Variants in RIT2 observed in about 807,000 individuals in gnomAD.
RIT2 encodes GTP-binding protein Rit2.
RIT2 carries 24 observed loss-of-function variants against 23.7 expected under a neutral mutation model. The ratio of observed to expected loss-of-function variants is 1.01; its 90% CI spans 0.73 to 1.43. The LOEUF (loss-of-function observed/expected upper bound fraction) is 1.43. RIT2 is among the 40% of genes most tolerant of loss of function. The pLI, the probability that RIT2 is intolerant of heterozygous loss-of-function variation, is 0.00. For missense variants in RIT2, 236 were observed against 266.9 expected (o/e 0.88, Z 0.81); for synonymous variants, 107 against 91.1 (o/e 1.17, Z -0.99).
intron 4 of RIT2, among the ~76,000 whole-genome samples, chr18:42,910,449 C>T (rs1428747765): frequency 6.6e-6 from 1 of 151,958 alleles, no homozygotes; most frequent in Non-Finnish European, 1.5e-5. Flanking sequence ...GCCTGGAAAC[C>T]CACAACCCTA....
intron 4 of RIT2, among the ~76,000 whole-genome samples, chr18:42,901,325 T>C (rs1908470873): frequency 6.6e-6 from 1 of 151,946 alleles, no homozygotes; most frequent in Admixed American, 6.6e-5. Flanking sequence ...TAGCGATGAT[T>C]TTATGGAACA....
intron 4 of RIT2, among the ~76,000 whole-genome samples, chr18:42,837,478 A>ATTT (rs1483692491): frequency 1.3e-4 from 20 of 152,052 alleles, no homozygotes; most frequent in African/African-American, 4.8e-4. Context: ...CTTTTTTAAA[A>ATTT]AAAAAAATGT....
At chr18:42,754,204 T>G (rs1314670883) in intron 4 of RIT2, among the ~76,000 whole-genome samples, 1 of 152,124 alleles carries the variant, frequency 6.6e-6, no homozygotes, top group Non-Finnish European at 1.5e-5. Flanking sequence ...CTCCTTCTCT[T>G]GTATTGTAAA....
At chr18:42,744,631 T>C (rs779221483) in intron 4 of RIT2, among the ~76,000 whole-genome samples, 2 of 152,136 alleles carry the variant, frequency 1.3e-5, no homozygotes, top group Non-Finnish European at 2.9e-5. Flanking sequence ...CAAAACCTCT[T>C]TGTTAGGGTT....
At chr18:42,881,104 C>A (rs1025589811) in intron 4 of RIT2, among the ~76,000 whole-genome samples, 1 of 152,108 alleles carries the variant, frequency 6.6e-6, no homozygotes, top group South Asian at 2.1e-4. Context: ...CTGCACCCAC[C>A]CATCTTCCTA....
At chr18:42,925,040 G>A (rs891981356) in intron 3 of RIT2, among the ~76,000 whole-genome samples, 4 of 151,978 alleles carry the variant, frequency 2.6e-5, no homozygotes, top group Non-Finnish European at 4.4e-5. Flanking sequence ...GATCACAGAC[G>A]TGACAAGAGA....
At chr18:43,109,076 C>G (rs532495876) in intron 1 of RIT2, among the ~76,000 whole-genome samples, 10 of 152,312 alleles carry the variant, frequency 6.6e-5, no homozygotes, top group Admixed American at 5.2e-4. Flanking sequence ...TTCCTACCTG[C>G]TTTCCTAATT....
intron 1 of RIT2, among the ~76,000 whole-genome samples, chr18:43,104,032 C>T (rs372069140): frequency 2.6e-4 from 40 of 152,128 alleles, no homozygotes; most frequent in East Asian, 1.2e-3. Flanking sequence ...TGGAATACAA[C>T]GGAACGCCCA....
chr18:43,080,323 G>A (rs973687459), intron 1 of RIT2, among the ~76,000 whole-genome samples: 11 of 152,146 alleles, frequency 7.2e-5, no homozygotes, highest in African/African-American at 2.4e-4. Flanking sequence ...GCTCTCCAAC[G>A]TAAAACTTAT....
intron 4 of RIT2, among the ~76,000 whole-genome samples, chr18:42,792,075 T>A (rs1598655587): frequency 1.3e-5 from 2 of 152,222 alleles, no homozygotes; most frequent in African/African-American, 4.8e-5. Context: ...GATCCGAAGA[T>A]GGAGCCATAA....
chr18:42,923,968 A>T (rs1209384334), intron 3 of RIT2, among the ~76,000 whole-genome samples: 1 of 151,960 alleles, frequency 6.6e-6, no homozygotes, highest in East Asian at 1.9e-4. Context: ...TTATATAAAG[A>T]TGATTTTTTT....
intron 3 of RIT2, among the ~76,000 whole-genome samples, chr18:42,969,941 C>T (rs1910323781): frequency 6.6e-6 from 1 of 151,924 alleles, no homozygotes; most frequent in Admixed American, 6.6e-5. Flanking sequence ...ATCTTCACTT[C>T]CCCAAACCTC....
chr18:42,880,961 C>A (rs1461474739), intron 4 of RIT2, among the ~76,000 whole-genome samples: 1 of 152,004 alleles, frequency 6.6e-6, no homozygotes, highest in Admixed American at 6.6e-5. Flanking sequence ...ACATGCGCCA[C>A]CATGCCAGGC....
intron 1 of RIT2, among the ~76,000 whole-genome samples, chr18:43,051,102 A>G (rs902565626): frequency 1.3e-5 from 2 of 151,862 alleles, no homozygotes; most frequent in African/African-American, 4.8e-5. Flanking sequence ...GCAGGCTGAG[A>G]CTCCAACCTG....
At chr18:42,986,795 C>T (rs1910720267) in intron 2 of RIT2, among the ~76,000 whole-genome samples, 1 of 151,952 alleles carries the variant, frequency 6.6e-6, no homozygotes, top group African/African-American at 2.4e-5. Context: ...GCCACCGAGC[C>T]CAGCCAGCTG....
chr18:43,079,484 T>C (rs924654538), intron 1 of RIT2, among the ~76,000 whole-genome samples: 3 of 152,208 alleles, frequency 2.0e-5, no homozygotes, highest in African/African-American at 7.2e-5. Flanking sequence ...AATTAATTTA[T>C]GAGTGAAGAA....
chr18:42,930,160 A>C (rs547923722), intron 3 of RIT2, among the ~76,000 whole-genome samples: 11 of 152,264 alleles, frequency 7.2e-5, no homozygotes, highest in African/African-American at 2.6e-4. Flanking sequence ...ATGCAATAGG[A>C]AACCAAGAAC....
chr18:42,796,523 A>G (rs1255074497), intron 4 of RIT2, among the ~76,000 whole-genome samples: 5 of 152,036 alleles, frequency 3.3e-5, no homozygotes, highest in African/African-American at 1.2e-4. Flanking sequence ...TTGTGGGTCA[A>G]CTCTCTTTAG....
intron 1 of RIT2, among the ~76,000 whole-genome samples, chr18:43,066,698 G>T (rs933312598): frequency 6.6e-6 from 1 of 151,998 alleles, no homozygotes; most frequent in African/African-American, 2.4e-5. Flanking sequence ...ACAAGGAAGC[G>T]CCATTTAACC....
Sources: allele counts gnomAD v4.1 joint callset (sites outside exome capture counted in the v4.1 genomes callset), GRCh38; gene constraint gnomAD v4.1.1; transcripts MANE v1.5; gene names NCBI Gene and HGNC (gene_info 2026-07-23, HGNC 2026-07-21).